The following TSPAN11 variants were observed in gnomAD, a reference collection of about 807,000 sequenced individuals.
The protein encoded by TSPAN11 is tetraspanin 11.
TSPAN11 carries 29 observed loss-of-function variants against 32.9 expected under a neutral mutation model. The observed-to-expected ratio is 0.88, with a 90% CI of 0.66 to 1.20. The LOEUF (loss-of-function observed/expected upper bound fraction) is 1.20. Among genes scored for constraint, TSPAN11 ranks in the 50% most tolerant of loss-of-function variants. The pLI, the probability that TSPAN11 is intolerant of heterozygous loss-of-function variation, is 0.00. For synonymous variants in TSPAN11, 140 were observed against 141.3 expected (o/e 0.99, Z 0.07); for missense variants, 283 against 329.1 (o/e 0.86, Z 1.08).
chr12:31,000,672 G>A (rs537928338), downstream of TSPAN11, among the ~76,000 whole-genome samples: 5 of 152,354 alleles, frequency 3.3e-5, no homozygotes, highest in South Asian at 1.0e-3. Flanking sequence ...GTCTAACGGT[G>A]AAAGTTCAAG....
downstream of TSPAN11, chr12:30,997,277 G>A (rs963084230): frequency 2.0e-5 from 3 of 152,162 alleles, no homozygotes; most frequent in African/African-American, 2.4e-5. Flanking sequence ...AATATAAAAC[G>A]GTCATATTAT....
rs547776998 is a variant in TSPAN11 at position 30,980,961 on chromosome 12, G to A, written c.456+1291G>A. Among the ~76,000 whole-genome samples, 75 of 152,312 alleles carry A rather than the reference G, an allele frequency of 4.9e-4. 1 individual carries two copies. The highest frequency in any genetic ancestry group is 1.4e-3 in the African/African-American group (59 of 41,572). ...CGGGGAAGCTGGACACACAGCAGGC[G>A]ATGTGCATGCAGTGCAAGGCTGGGC... On this transcript the variant is annotated intron_variant, in intron 5 of 7. Coordinates refer to ENST00000546076, the MANE Select transcript of TSPAN11 (RefSeq NM_001370302.1).
chr12:30,993,190 G>C lies in TSPAN11; in HGVS notation c.*1275G>C. On this transcript the variant is annotated 3_prime_UTR_variant, in exon 8 of 8. Transcript: ENST00000546076. ...CCACACCTGGCTTCCACCCTCCCCA[G>C]CTCCTGCACTTCTCCCCAGAGCGGG... is the stretch of plus-strand genomic sequence containing the variant. 1 of 152,206 alleles carries C rather than the reference G, an allele frequency of 6.6e-6. No individual in the cohort carries two copies. Among genetic ancestry groups the C allele is most frequent in the East Asian group, 1.9e-4 (1 of 5,172 alleles). 9.4% of individuals were successfully genotyped at this position (152,206 alleles called of 1,614,324 possible).
intron 1 of TSPAN11, among the ~76,000 whole-genome samples, chr12:30,948,037 A>C (rs937187649): frequency 3.2e-4 from 48 of 152,314 alleles, no homozygotes; most frequent in African/African-American, 1.1e-3. Context: ...GGCCCATGCA[A>C]GTCCAAAATC....
chr12:30,978,778 A>G, intron 4 of TSPAN11, 143 bp downstream of exon 4: 1 of 692,106 alleles, frequency 1.4e-6, no homozygotes, highest in East Asian at 2.5e-5. Context: ...CCCCCTACAT[A>G]TCTGCATCCC....
At chr12:31,012,147 C>G in the TSPAN11 span, among the ~76,000 whole-genome samples, 1 of 152,246 alleles carries the variant, frequency 6.6e-6, no homozygotes, top group Non-Finnish European at 1.5e-5. Context: ...CCTGCACCAT[C>G]AGCCCTCCAG....
At chr12:30,982,741 G>T in intron 6 of TSPAN11, 51 bp downstream of exon 6, 2 of 1,509,060 alleles carry the variant, frequency 1.3e-6, no homozygotes, top group Non-Finnish European at 1.8e-6. Flanking sequence ...TGGCCTGGCC[G>T]TTCAGGAGCC....
chr12:30,956,264 T>C (rs1938476016), intron 2 of TSPAN11, among the ~76,000 whole-genome samples: 1 of 152,256 alleles, frequency 6.6e-6, no homozygotes, highest in African/African-American at 2.4e-5. Context: ...TTGTCCCATG[T>C]AAGATATACA....
At chr12:30,956,720 A>G (rs35257194) in intron 2 of TSPAN11, among the ~76,000 whole-genome samples, 46,499 of 151,762 alleles carry the variant, frequency 0.31, 7,639 homozygotes, top group East Asian at 0.53. Context: ...TTCCCCTACC[A>G]TTTTCTTCCA....
chr12:30,965,806 T>C (rs1490112320), intron 3 of TSPAN11, among the ~76,000 whole-genome samples: 1 of 152,098 alleles, frequency 6.6e-6, no homozygotes, highest in Non-Finnish European at 1.5e-5. Flanking sequence ...AGAGTCACCT[T>C]GCAGTTGTGT....
chr12:30,953,656 C>G (rs1316043901), intron 1 of TSPAN11, among the ~76,000 whole-genome samples: 1 of 152,156 alleles, frequency 6.6e-6, no homozygotes, highest in African/African-American at 2.4e-5. Context: ...AAACTTGTGT[C>G]CTGCAACCCT....
chr12:30,959,872 C>A lies in TSPAN11; in HGVS notation c.85-3954C>A, dbSNP rs368380353. On this transcript the variant is annotated intron_variant, in intron 2 of 7. Coordinates refer to ENST00000546076, the MANE Select transcript of TSPAN11 (RefSeq NM_001370302.1). ...AGGTTAAGGCCAGACAGTAAGAGCA[C>A]CGAGGCCATGCAAAAGAGTTTTTGG... 4.6e-5 allele frequency among the ~76,000 whole-genome samples: 7 copies of A among 151,222 alleles called. No homozygotes were observed. The East Asian group carries it at 1.4e-3, about 30-fold the overall frequency.
the TSPAN11 span, among the ~76,000 whole-genome samples, chr12:31,010,027 G>A: frequency 1.3e-5 from 2 of 152,196 alleles, no homozygotes; most frequent in Non-Finnish European, 2.9e-5. Context: ...TGACTTGCCC[G>A]CAGAGCTAGG....
At chr12:30,934,685 G>A (rs1388558060) in intron 1 of TSPAN11, among the ~76,000 whole-genome samples, 1 of 150,364 alleles carries the variant, frequency 6.7e-6, no homozygotes, top group Non-Finnish European at 1.5e-5. Context: ...TGTCATTAGT[G>A]TTAGGGTATT....
the TSPAN11 span, among the ~76,000 whole-genome samples, chr12:31,004,262 C>T: frequency 6.6e-6 from 1 of 152,330 alleles, no homozygotes; most frequent in African/African-American, 2.4e-5. Context: ...ATACCTGACC[C>T]TGCCTGTTCA....
At chr12:30,929,192 C>T (rs544997119) in intron 1 of TSPAN11, among the ~76,000 whole-genome samples, 3 of 152,214 alleles carry the variant, frequency 2.0e-5, no homozygotes, top group South Asian at 2.1e-4. Flanking sequence ...ACTAGAAAAC[C>T]GTTGCACCAG....
At chr12:31,004,048 C>T in the TSPAN11 span, among the ~76,000 whole-genome samples, 99 of 152,292 alleles carry the variant, frequency 6.5e-4, 1 homozygote, top group African/African-American at 2.3e-3. Flanking sequence ...GAGAAGAGAC[C>T]TCGTCTGGCT....
chr12:30,997,693 A>G (rs1469161590), downstream of TSPAN11, among the ~76,000 whole-genome samples: 1 of 152,198 alleles, frequency 6.6e-6, no homozygotes, highest in African/African-American at 2.4e-5. Context: ...TGGGGGACAC[A>G]GAACCAAACC....
chr12:30,974,335 C>T (rs1056384590), intron 3 of TSPAN11, among the ~76,000 whole-genome samples: 1 of 152,206 alleles, frequency 6.6e-6, no homozygotes, highest in Non-Finnish European at 1.5e-5. Flanking sequence ...TTCTTCACTG[C>T]GGGAGACTGC....
Sources: gnomAD v4.1 joint callset for allele counts (sites outside exome capture counted in the v4.1 genomes callset) on GRCh38, gnomAD v4.1.1 for gene constraint, MANE v1.5 for transcripts, NCBI Gene and HGNC (gene_info 2026-07-23, HGNC 2026-07-21) for gene names.